SORCS3: variants seen among roughly 807,000 people sequenced by gnomAD.
SORCS3 encodes the protein sortilin related VPS10 domain containing receptor 3, also known as VPS10 domain-containing receptor SorCS3.
A neutral mutation model predicts 146.3 loss-of-function variants in SORCS3; 57 were observed. That is an observed-to-expected ratio of 0.39 (90% CI 0.31 to 0.49). SORCS3 has a LOEUF of 0.49. Among genes scored for constraint, SORCS3 ranks in the 20% least tolerant of loss-of-function variants. The pLI is 0.92. For missense variants in SORCS3, 1,341 were observed against 1,575.5 expected (o/e 0.85, Z 2.52); for synonymous variants, 653 against 618.5 (o/e 1.06, Z -0.83).
intron 3 of SORCS3, among the ~76,000 whole-genome samples, chr10:104,944,466 C>A (rs1241961095): frequency 6.6e-6 from 1 of 152,088 alleles, no homozygotes; most frequent in Admixed American, 6.5e-5. Context: ...CTGTATCTGG[C>A]AGAGTACTCA....
At chr10:104,982,341 C>T (rs1043402118) in intron 4 of SORCS3, among the ~76,000 whole-genome samples, 2 of 152,176 alleles carry the variant, frequency 1.3e-5, no homozygotes, top group African/African-American at 2.4e-5. Flanking sequence ...CTGTGACTTT[C>T]ATTTATATTC....
chr10:104,900,640 C>A (rs1564709187), intron 2 of SORCS3, among the ~76,000 whole-genome samples: 1 of 152,090 alleles, frequency 6.6e-6, no homozygotes, highest in Non-Finnish European at 1.5e-5. Flanking sequence ...CCTGTAATCC[C>A]AGGACTTTGG....
chr10:105,257,871 C>A (rs2056940367), intron 25 of SORCS3, among the ~76,000 whole-genome samples: 7 of 151,984 alleles, frequency 4.6e-5, no homozygotes, highest in Admixed American at 3.3e-4. Context: ...CATAATAGGC[C>A]CTCAGAAATT....
At chr10:105,025,142 A>C (rs2055218727) in intron 4 of SORCS3, among the ~76,000 whole-genome samples, 1 of 152,172 alleles carries the variant, frequency 6.6e-6, no homozygotes, top group African/African-American at 2.4e-5. Flanking sequence ...TCCTCAAGAG[A>C]GCTGTTTTCC....
intron 2 of SORCS3, among the ~76,000 whole-genome samples, chr10:104,862,658 A>C (rs956601639): frequency 1.3e-5 from 2 of 152,116 alleles, no homozygotes; most frequent in Non-Finnish European, 2.9e-5. Flanking sequence ...ACTGAATTGT[A>C]TGTGTTTTTA....
Position 105,263,301 on chromosome 10 carries a change from TCTC to T in SORCS3, c.3605-8_3605-6del. The T allele has an allele frequency of 1.2e-6, 2 of 1,613,800 alleles. No homozygotes were observed. The highest frequency in any genetic ancestry group is 2.2e-5 in the South Asian group (2 of 91,054). ...ATCCATTTCTCCCTGTGTCTTCTCT[TCTC>T]TGCAGGAGGCATTGCCACTATTGCA... is the stretch of plus-strand genomic sequence containing the variant. On this transcript the variant is annotated splice_region_variant and splice_polypyrimidine_tract_variant and intron_variant, in intron 26 of 26. Transcript: ENST00000369701.
At chr10:104,940,234 ATATATTTTTTTTT>A (rs1385316222) in intron 3 of SORCS3, among the ~76,000 whole-genome samples, 9 of 24,250 alleles carry the variant, frequency 3.7e-4, no homozygotes, top group African/African-American at 1.4e-3. Flanking sequence ...ATATATATAT[ATATATTTTTTTTT>A]TTTTTTTTAT....
chr10:104,735,462 T>TTTTTTTTTTTTTTTTTTTTTTTTTTTG (rs2016758854), intron 1 of SORCS3, among the ~76,000 whole-genome samples: 1 of 135,414 alleles, frequency 7.4e-6, no homozygotes, highest in Non-Finnish European at 1.6e-5. Context: ...GTCTGTTTTT[T>TTTTTTTTTTTTTTTTTTTTTTTTTTTG]TTTTTTTTTT....
chr10:105,257,200 G>C (rs1434338224), intron 25 of SORCS3, among the ~76,000 whole-genome samples: 1 of 152,084 alleles, frequency 6.6e-6, no homozygotes, highest in African/African-American at 2.4e-5. Flanking sequence ...GAAGTGTAAG[G>C]GGTTTTCAAA....
At chr10:104,895,730 A>C (rs1024083637) in intron 2 of SORCS3, among the ~76,000 whole-genome samples, 5 of 152,188 alleles carry the variant, frequency 3.3e-5, no homozygotes, top group Admixed American at 6.5e-5. Flanking sequence ...GTCTGTCTCC[A>C]TGCCTGTACA....
intron 1 of SORCS3, among the ~76,000 whole-genome samples, chr10:104,812,190 C>T (rs1396877951): frequency 6.6e-6 from 1 of 152,140 alleles, no homozygotes; most frequent in Admixed American, 6.5e-5. Flanking sequence ...GGACACAGTG[C>T]ATCTTAGTCC....
chr10:105,121,402 C>T (rs886363629), intron 7 of SORCS3, among the ~76,000 whole-genome samples: 1 of 151,946 alleles, frequency 6.6e-6, no homozygotes. Flanking sequence ...AGGTAATCAC[C>T]CATGGTTGTA....
chr10:104,990,314 T>C (rs2054985945), intron 4 of SORCS3, among the ~76,000 whole-genome samples: 1 of 152,198 alleles, frequency 6.6e-6, no homozygotes, highest in Non-Finnish European at 1.5e-5. Flanking sequence ...TAGCACCACA[T>C]ATTGACTGCG....
At chr10:104,874,963 C>T (rs1013475814) in intron 2 of SORCS3, among the ~76,000 whole-genome samples, 1 of 152,192 alleles carries the variant, frequency 6.6e-6, no homozygotes, top group African/African-American at 2.4e-5. Context: ...CCTTGAATTA[C>T]ACTATGTGAT....
rs143900372 is a variant in SORCS3 at position 105,246,804 on chromosome 10, G to A, written c.2993-415G>A. Among the ~76,000 whole-genome samples the A allele has an allele frequency of 2.3e-3, 357 of 152,290 alleles. 2 individuals are homozygous for A. Among genetic ancestry groups the A allele is most frequent in the African/African-American group, 8.2e-3 (339 of 41,560 alleles). ...TAAACCTATTTTCTAATCCTCAGAG[G>A]CAGTTTCTAGCACAATGGGTGAAGG... On this transcript the variant is annotated intron_variant, in intron 21 of 26. Coordinates refer to ENST00000369701, the MANE Select transcript of SORCS3 (RefSeq NM_014978.3).
At chr10:105,106,833 C>T (rs535653212) in intron 7 of SORCS3, among the ~76,000 whole-genome samples, 13 of 152,280 alleles carry the variant, frequency 8.5e-5, no homozygotes, top group South Asian at 4.1e-4. Flanking sequence ...GGCAGGCCAA[C>T]GGCACTCTCA....
At chr10:104,709,153 C>T (rs1308673029) in intron 1 of SORCS3, among the ~76,000 whole-genome samples, 3 of 152,176 alleles carry the variant, frequency 2.0e-5, no homozygotes, top group Non-Finnish European at 2.9e-5. Flanking sequence ...TTATTGCATC[C>T]ACCTTCTGTG....
intron 2 of SORCS3, among the ~76,000 whole-genome samples, chr10:104,910,027 T>C (rs1216840057): frequency 6.6e-6 from 1 of 152,198 alleles, no homozygotes; most frequent in African/African-American, 2.4e-5. Flanking sequence ...TCCTTCGGAA[T>C]GCCTCTGGAT....
chr10:104,928,955 G>C (rs2019178682), intron 3 of SORCS3, among the ~76,000 whole-genome samples: 1 of 152,208 alleles, frequency 6.6e-6, no homozygotes, highest in Non-Finnish European at 1.5e-5. Flanking sequence ...GGAAACAAAT[G>C]AATCAGAGAG....
Sources: gnomAD v4.1 joint callset for allele counts (sites outside exome capture counted in the v4.1 genomes callset) on GRCh38, gnomAD v4.1.1 for gene constraint, MANE v1.5 for transcripts, NCBI Gene and HGNC (gene_info 2026-07-23, HGNC 2026-07-21) for gene names.